Variants in DOCK1 observed in about 807,000 individuals in gnomAD.
DOCK1 encodes the protein dedicator of cytokinesis 1, also known as dedicator of cytokinesis protein 1.
A neutral mutation model predicts 262.7 loss-of-function variants in DOCK1; 138 were observed. The observed-to-expected ratio is 0.53, with a 90% CI of 0.46 to 0.61. The LOEUF (loss-of-function observed/expected upper bound fraction) is 0.61. Ranked by LOEUF, DOCK1 falls within the 20% of genes least tolerant of loss-of-function variation. The probability of loss-of-function intolerance (pLI) is 0.00; values close to 1 mark genes in which losing one functional copy is unlikely to be tolerated. For synonymous variants in DOCK1, 866 were observed against 867.4 expected (o/e 1.00, Z 0.03); for missense variants, 1,908 against 2,370.7 (o/e 0.80, Z 4.05).
At chr10:127,397,646 C>T (rs112539840) in intron 38 of DOCK1, among the ~76,000 whole-genome samples, 14,588 of 151,350 alleles carry the variant, frequency 0.096, 819 homozygotes, top group African/African-American at 0.15. Flanking sequence ...ACACGGGCAG[C>T]GACTCCTATG....
At chr10:126,990,194 C>T (rs532805026) in intron 5 of DOCK1, among the ~76,000 whole-genome samples, 10 of 152,312 alleles carry the variant, frequency 6.6e-5, no homozygotes, top group African/African-American at 2.4e-4. Context: ...CTTTTTGCTT[C>T]AGTGGGACAC....
In DOCK1 at chr10:127,361,157, A is replaced by G. The variant is rs546847374; in HGVS notation, c.3284-907A>G. 2.4e-4 allele frequency among the ~76,000 whole-genome samples: 29 copies of G among 120,856 alleles called. 1 individual carries two copies. In the East Asian group the frequency reaches 7.0e-3, roughly 29 times the overall value. The allele number at this position is 120,856 out of a possible 152,430, so 79.3% of individuals were successfully genotyped here. A position where few individuals can be genotyped will look rare whatever the true frequency, so the allele number is the denominator to read the frequency against. The stretch of plus-strand genomic sequence containing the variant: ...GAGACAGAGTCTTGCTCTGTCGCCC[A>G]GGCTGGAGTGCACTGGCGTGATCTT... On this transcript the variant is annotated intron_variant, in intron 32 of 51. Coordinates refer to ENST00000623213, the MANE Select transcript of DOCK1 (RefSeq NM_001290223.2).
intron 24 of DOCK1, among the ~76,000 whole-genome samples, chr10:127,109,627 A>G (rs1326652445): frequency 6.6e-6 from 1 of 152,204 alleles, no homozygotes; most frequent in African/African-American, 2.4e-5. Flanking sequence ...CTGGAATCAT[A>G]CAACGTGTGG....
At chr10:127,041,994 T>C (rs17771551) in intron 19 of DOCK1, among the ~76,000 whole-genome samples, 5,955 of 152,348 alleles carry the variant, frequency 0.039, 157 homozygotes, top group Middle Eastern at 0.065. Context: ...GACATGCCTT[T>C]GAAGTCTCTT....
At chr10:127,230,752 TTTTTG>T in intron 27 of DOCK1, among the ~76,000 whole-genome samples, 1 of 151,988 alleles carries the variant, frequency 6.6e-6, no homozygotes. Flanking sequence ...TATTCTGGGT[TTTTTG>T]TTTTTTTTGT....
chr10:127,107,890 G>T (rs1026444978), intron 24 of DOCK1, among the ~76,000 whole-genome samples: 1 of 152,176 alleles, frequency 6.6e-6, no homozygotes, highest in African/African-American at 2.4e-5. Context: ...CCCGCGGAGG[G>T]GTATCGTCGA....
intron 27 of DOCK1, among the ~76,000 whole-genome samples, chr10:127,158,659 A>G (rs1162714314): frequency 6.6e-6 from 1 of 152,214 alleles, no homozygotes; most frequent in Non-Finnish European, 1.5e-5. Flanking sequence ...CTGAGTGTGG[A>G]CAAAAACCCT....
chr10:127,431,568 T>C (rs1377570433), intron 47 of DOCK1, among the ~76,000 whole-genome samples: 1 of 152,226 alleles, frequency 6.6e-6, no homozygotes, highest in African/African-American at 2.4e-5. Context: ...AACATCTCCA[T>C]GAAGCTATCC....
chr10:127,339,793 T>G (rs933733446), intron 30 of DOCK1, among the ~76,000 whole-genome samples: 3 of 150,456 alleles, frequency 2.0e-5, no homozygotes, highest in Admixed American at 6.6e-5. Flanking sequence ...CCAAAATGTG[T>G]GGCTCTCACT....
At chr10:127,426,097 G>A in intron 47 of DOCK1, 86 bp downstream of exon 47, 1 of 1,589,708 alleles carries the variant, frequency 6.3e-7, no homozygotes, top group Non-Finnish European at 8.6e-7. Flanking sequence ...CAGAGCAGAG[G>A]AACTCACATG....
chr10:126,940,897 C>T (rs1287572061), intron 1 of DOCK1, among the ~76,000 whole-genome samples: 3 of 152,200 alleles, frequency 2.0e-5, no homozygotes, highest in African/African-American at 4.8e-5. Flanking sequence ...TATTGAATTA[C>T]AGTGACTCTA....
At chr10:127,370,252 T>G (rs1565033908) in intron 33 of DOCK1, among the ~76,000 whole-genome samples, 1 of 152,116 alleles carries the variant, frequency 6.6e-6, no homozygotes, top group Non-Finnish European at 1.5e-5. Flanking sequence ...TGTACTAAGG[T>G]TTATTTTTAA....
intron 9 of DOCK1, among the ~76,000 whole-genome samples, chr10:126,999,927 G>A (rs1175391966): frequency 2.0e-5 from 3 of 152,054 alleles, no homozygotes; most frequent in African/African-American, 4.8e-5. Flanking sequence ...CACCCTCCTC[G>A]GCCTTCCAAA....
At chr10:127,311,725 T>C (rs1203363160) in intron 29 of DOCK1, among the ~76,000 whole-genome samples, 1 of 152,072 alleles carries the variant, frequency 6.6e-6, no homozygotes, top group African/African-American at 2.4e-5. Flanking sequence ...AGTGATCGGA[T>C]TTGAACTCCC....
chr10:127,363,053 A>C (rs1409150266), intron 33 of DOCK1, among the ~76,000 whole-genome samples: 1 of 148,908 alleles, frequency 6.7e-6, no homozygotes, highest in Non-Finnish European at 1.5e-5. Context: ...ACACACACAC[A>C]CGTACATCCC....
At chr10:127,134,890 C>T (rs915542743) in intron 27 of DOCK1, among the ~76,000 whole-genome samples, 6 of 152,124 alleles carry the variant, frequency 3.9e-5, no homozygotes, top group Non-Finnish European at 7.4e-5. Flanking sequence ...AACACCAGCC[C>T]ACGTGTGCAG....
At chr10:126,981,897 G>GTT (rs150683957) in intron 3 of DOCK1, 21 bp from the exon 4 acceptor site, 109 of 1,409,686 alleles carry the variant, frequency 7.7e-5, no homozygotes, top group African/African-American at 2.0e-4. Context: ...AAAAGCTACT[G>GTT]TTTTTTTTTT....
intron 15 of DOCK1, chr10:127,026,069 A>AAAAAAAG (rs1256628730): frequency 9.3e-5 from 29 of 310,224 alleles, no homozygotes; most frequent in African/African-American, 4.1e-4. Flanking sequence ...CAAAAAAAAA[A>AAAAAAAG]AAAGAAAGAA....
chr10:126,939,292 GT>G (rs1363063567), intron 1 of DOCK1, among the ~76,000 whole-genome samples: 1 of 152,162 alleles, frequency 6.6e-6, no homozygotes, highest in Admixed American at 6.5e-5. Flanking sequence ...TGGCTATTGA[GT>G]TTCAACACAT....
Sources: gnomAD v4.1 joint callset for allele counts (sites outside exome capture counted in the v4.1 genomes callset) on GRCh38, gnomAD v4.1.1 for gene constraint, MANE v1.5 for transcripts, NCBI Gene and HGNC (gene_info 2026-07-23, HGNC 2026-07-21) for gene names.